SPACA6: variants seen among roughly 807,000 people sequenced by gnomAD.
SPACA6 encodes the protein sperm acrosome associated 6, also known as sperm acrosome membrane-associated protein 6.
For synonymous variants in SPACA6, 6 were observed against 1.5 expected (o/e 4.05, Z -2.21); for missense variants, 8 against 2.8 (o/e 2.88, Z -1.34).
intron 3 of SPACA6, 90 bp from the exon 4 acceptor site, chr19:51,702,539 G>T (rs2083477291): frequency 5.0e-6 from 2 of 397,984 alleles, no homozygotes; most frequent in Non-Finnish European, 8.9e-6. Context: ...TCGGAGCAAT[G>T]CTTCGGGCCT....
upstream of SPACA6, among the ~76,000 whole-genome samples, chr19:51,691,973 C>T (rs1483691514): frequency 6.6e-6 from 1 of 152,124 alleles, no homozygotes; most frequent in Non-Finnish European, 1.5e-5. Flanking sequence ...GCTGAGGGCA[C>T]CTCGCTCTCT....
At chr19:51,702,718 A>G (rs2083479070) in intron 4 of SPACA6, 66 bp downstream of exon 4, 1 of 399,040 alleles carries the variant, frequency 2.5e-6, no homozygotes, top group Admixed American at 4.4e-5. Context: ...GAAACGTACG[A>G]CATCAAGTGT....
intron 2 of SPACA6, among the ~76,000 whole-genome samples, chr19:51,711,693 A>G (rs534998329): frequency 1.4e-3 from 218 of 152,346 alleles, no homozygotes; most frequent in African/African-American, 4.9e-3. Context: ...CATACTGTGG[A>G]CTATTATTTG....
chr19:51,695,032 A>T (rs1372363174), intron 2 of SPACA6, among the ~76,000 whole-genome samples: 2 of 149,434 alleles, frequency 1.3e-5, no homozygotes, highest in Non-Finnish European at 2.9e-5. Context: ...GAACACACAC[A>T]CACTCGCACA....
At chr19:51,702,116 G>A (rs2083473047) in intron 3 of SPACA6, among the ~76,000 whole-genome samples, 1 of 151,982 alleles carries the variant, frequency 6.6e-6, no homozygotes, top group Non-Finnish European at 1.5e-5. Context: ...CAATCCCCTG[G>A]CCCCATCTCT....
At chr19:51,708,830 G>A (rs142440487), downstream of SPACA6, among the ~76,000 whole-genome samples, 1,108 of 151,650 alleles carry the variant, frequency 7.3e-3, 13 homozygotes, top group African/African-American at 0.025. Flanking sequence ...ATGGCACTCC[G>A]GCCTGGGCAA....
chr19:51,690,646 C>A (rs1279927876), upstream of SPACA6, among the ~76,000 whole-genome samples: 1 of 152,140 alleles, frequency 6.6e-6, no homozygotes, highest in Admixed American at 6.5e-5. Flanking sequence ...GAGCCTACCC[C>A]TTCCCCAAAG....
chr19:51,685,048 C>T (rs1022935959), upstream of SPACA6, among the ~76,000 whole-genome samples: 122 of 152,274 alleles, frequency 8.0e-4, 1 homozygote, highest in Admixed American at 7.6e-3. Flanking sequence ...GACCCGGTGC[C>T]GCCTGTTCTA....
In SPACA6 at chr19:51,693,699, C is replaced by T. The variant is rs567515616; in HGVS notation, c.173C>T (p.Ala58Val). 3.7e-5 allele frequency: 15 copies of T among 407,992 alleles called. No individual in the cohort carries two copies. In the East Asian group the frequency reaches 4.6e-4, roughly 12 times the overall value. 25.3% of individuals were successfully genotyped at this position (407,992 alleles called of 1,614,324 possible). A position where few individuals can be genotyped will look rare whatever the true frequency, so the allele number is the denominator to read the frequency against. ...RSPKLEECEE[A>V]FTAAFQGLSD... is the part of the protein sequence containing the mutation. ...CCCAAGCTTGAAGAGTGTGAGGAGG[C>T]CTTCACGGCCGCCTTCCAGGGCCTC... The change falls in exon 1 of 9, where the codon GCC (alanine) becomes GTC (valine). Residue 58 changes from alanine (A) to valine (V), a missense_variant. By Grantham distance (64) the Ala-to-Val change is moderately conservative (BLOSUM62 0). Transcript: ENST00000637797.
At chr19:51,694,838 G>A (rs902960946) in intron 2 of SPACA6, among the ~76,000 whole-genome samples, 3 of 152,116 alleles carry the variant, frequency 2.0e-5, no homozygotes, top group African/African-American at 4.8e-5. Context: ...TGCCATGGCT[G>A]CATGGCTCAC....
At chr19:51,705,203 TC>T (rs2083509544), downstream of SPACA6, 1 of 400,734 alleles carries the variant, frequency 2.5e-6, no homozygotes, top group South Asian at 1.3e-4. Context: ...TTGTTTCATC[TC>T]CGAAGGTGGT....
At chr19:51,704,802 G>A (rs2083503150) in intron 8 of SPACA6, 1 of 330,836 alleles carries the variant, frequency 3.0e-6, no homozygotes, top group East Asian at 5.2e-5. Flanking sequence ...AGGAGTCCAA[G>A]TCCCCAGTCC....
upstream of SPACA6, among the ~76,000 whole-genome samples, chr19:51,689,964 C>T (rs1198038558): frequency 7.5e-6 from 1 of 134,208 alleles, no homozygotes; most frequent in Admixed American, 7.8e-5. Context: ...GAGGGGGAGG[C>T]GCAGGGATGG....
intron 2 of SPACA6, among the ~76,000 whole-genome samples, chr19:51,695,418 C>T (rs1459036274): frequency 1.3e-5 from 2 of 152,212 alleles, no homozygotes; most frequent in African/African-American, 4.8e-5. Context: ...AAACTGGCTT[C>T]CTCTTAGGTC....
upstream of SPACA6, among the ~76,000 whole-genome samples, chr19:51,690,353 G>C (rs923963051): frequency 3.3e-5 from 5 of 151,958 alleles, no homozygotes; most frequent in African/African-American, 1.2e-4. Context: ...CAAGGAGCGC[G>C]GCCCCCAACC....
At chr19:51,699,200 T>C (rs1177188577) in intron 2 of SPACA6, among the ~76,000 whole-genome samples, 1 of 152,072 alleles carries the variant, frequency 6.6e-6, no homozygotes, top group Non-Finnish European at 1.5e-5. Context: ...TTAGAGATGG[T>C]GTCTGGATAT....
chr19:51,710,096 A>C (rs1303255290), downstream of SPACA6, among the ~76,000 whole-genome samples: 1 of 152,214 alleles, frequency 6.6e-6, no homozygotes, highest in Non-Finnish European at 1.5e-5. Context: ...AAAAAATAAA[A>C]ATAAGAAAAA....
downstream of SPACA6, among the ~76,000 whole-genome samples, chr19:51,709,788 T>C (rs932771801): frequency 1.3e-5 from 2 of 152,032 alleles, no homozygotes; most frequent in African/African-American, 4.8e-5. Flanking sequence ...AGGGACGAGA[T>C]GCAGCCCTGG....
downstream of SPACA6, among the ~76,000 whole-genome samples, chr19:51,705,636 C>G (rs1488037364): frequency 6.6e-6 from 1 of 152,120 alleles, no homozygotes; most frequent in East Asian, 1.9e-4. Flanking sequence ...CAGCCCCCCA[C>G]CACCTCCTTG....
Sources: gnomAD v4.1 joint callset for allele counts (sites outside exome capture counted in the v4.1 genomes callset) on GRCh38, gnomAD v4.1.1 for gene constraint, MANE v1.5 for transcripts, NCBI Gene and HGNC (gene_info 2026-07-23, HGNC 2026-07-21) for gene names.